Variants in ACKR4 observed in about 807,000 individuals in gnomAD.
ACKR4 encodes the protein atypical chemokine receptor 4, also known as C-C CKR-11.
In ACKR4, 2 loss-of-function variants were observed where a neutral mutation model predicts 8.5. The ratio of observed to expected loss-of-function variants is 0.23; its 90% CI spans 0.10 to 0.74. ACKR4 has a LOEUF of 0.74. ACKR4 is among the 30% of genes least tolerant of loss of function. The probability of loss-of-function intolerance (pLI) is 0.75; values close to 1 mark genes in which losing one functional copy is unlikely to be tolerated. For synonymous variants in ACKR4, 67 were observed against 145.0 expected, an observed-to-expected ratio of 0.46 and a Z score of 3.86; for missense variants, 167 against 422.1, an observed-to-expected ratio of 0.40 and a Z score of 5.30.
Position 132,602,425 on chromosome 3 carries a change from A to G in ACKR4, c.*975A>G, listed in dbSNP as rs1938650021. On this transcript the variant is annotated 3_prime_UTR_variant, in exon 2 of 2. Coordinates refer to ENST00000249887, the MANE Select transcript of ACKR4 (RefSeq NM_016557.4). ...ATTCATCTGTTTATACAAGTCTACC[A>G]CTGCCGATTGACTAAAAAATACATT... Among the ~76,000 whole-genome samples, 1 of 152,148 alleles carries G rather than the reference A, an allele frequency of 6.6e-6. No individual in the cohort carries two copies. The highest frequency in any genetic ancestry group is 2.4e-5 in the African/African-American group (1 of 41,438).
chr3:132,598,615 T>C (rs1938418906), intron 1 of ACKR4, among the ~76,000 whole-genome samples: 1 of 151,996 alleles, frequency 6.6e-6, no homozygotes, highest in Non-Finnish European at 1.5e-5. Context: ...TCTGGGGAGG[T>C]CGCATCCGCG....
chr3:132,600,604 C>T lies in ACKR4; in HGVS notation c.207C>T (p.Tyr69=). 6.2e-7 allele frequency: 1 copy of T among 1,613,762 alleles called. No individual in the cohort carries two copies. Among genetic ancestry groups the T allele is most frequent in the Non-Finnish European group, 8.5e-7 (1 of 1,179,774 alleles). ...NSMVVAIYAY[Y]KKQRTKTDVY... is the part of the protein sequence containing the mutation. ...TGGTAGTGGCAATTTATGCCTATTACAAGAAACAGAGAACCAAAACAGATG... is the reference window on the plus strand; with the variant it reads ...TGGTAGTGGCAATTTATGCCTATTATAAGAAACAGAGAACCAAAACAGATG... Residue 69 remains tyrosine, a synonymous_variant, in exon 2 of 2, where the codon TAC becomes TAT. Transcript: ENST00000249887.
At chr3:132,599,779 G>C (rs57009048) in intron 1 of ACKR4, among the ~76,000 whole-genome samples, 7,681 of 152,124 alleles carry the variant, frequency 0.05, 663 homozygotes, top group African/African-American at 0.17. Context: ...TAAGCAAGTA[G>C]TGACCAGTTT....
In ACKR4 at chr3:132,600,566, G is replaced by A. The variant is rs1938529409; in HGVS notation, c.169G>A (p.Ala57Thr). The A allele has an allele frequency of 1.2e-6, 2 of 1,613,938 alleles. No individual in the cohort carries two copies. The highest frequency in any genetic ancestry group is 4.5e-5 in the East Asian group (2 of 44,868). Residue 57 changes from alanine to threonine, a missense_variant, in exon 2 of 2, where the codon GCA (alanine) becomes ACA (threonine). This residue lies in a region of ACKR4 where 149 missense variants were observed against 281.9 expected (regional missense o/e 0.53). Coordinates refer to ENST00000249887, the MANE Select transcript of ACKR4 (RefSeq NM_016557.4). ...FLTIVFVIGL[A>T]GNSMVVAIYA... is the part of the protein sequence containing the mutation. ...CACAATAGTTTTCGTCATTGGACTT[G>A]CAGGCAATTCCATGGTAGTGGCAAT...
Position 132,601,902 on chromosome 3 carries a change from C to T in ACKR4, c.*452C>T, listed in dbSNP as rs1243283210. On this transcript the variant is annotated 3_prime_UTR_variant, in exon 2 of 2. Coordinates refer to ENST00000249887, the MANE Select transcript of ACKR4 (RefSeq NM_016557.4). ...TGGGTGAAGGGTACCCAGGACCACT[C>T]TGTACCATCTTTGTAACTTCCTGTG... The T allele has an allele frequency of 5.2e-6, 1 of 191,974 alleles. No individual in the cohort carries two copies. Among genetic ancestry groups the T allele is most frequent in the Non-Finnish European group, 1.2e-5 (1 of 82,892 alleles). 11.9% of individuals were successfully genotyped at this position (191,974 alleles called of 1,614,324 possible).
rs754527548 is a variant in ACKR4 at position 132,600,558 on chromosome 3, T to C, written c.161T>C (p.Ile54Thr). 43 of 1,613,872 alleles carry C rather than the reference T, an allele frequency of 2.7e-5. No individual in the cohort carries two copies. The highest frequency in any genetic ancestry group is 2.0e-4 in the Admixed American group (12 of 60,006). ...LPVFLTIVFV[I>T]GLAGNSMVVA... ...GTATTCCTCACAATAGTTTTCGTCA[T>C]TGGACTTGCAGGCAATTCCATGGTA... Residue 54 changes from isoleucine (I) to threonine (T), a missense_variant, in exon 2 of 2, where the codon ATT (isoleucine) becomes ACT (threonine). Around this residue, in one of 2 missense-constraint regions of ACKR4, gnomAD observed 149 missense variants for 281.9 expected, o/e 0.53. Coordinates refer to ENST00000249887, the MANE Select transcript of ACKR4 (RefSeq NM_016557.4).
chr3:132,600,347 T>A, intron 1 of ACKR4, 42 bp from the exon 2 acceptor site: 1 of 1,463,108 alleles, frequency 6.8e-7, no homozygotes, highest in Non-Finnish European at 9.1e-7. Flanking sequence ...CTTTTAAGCA[T>A]ATTTAGACAA....
At position 132,600,587 on chromosome 3, in the gene ACKR4, G is replaced by A. The variant is rs2107820300; in HGVS notation, c.190G>A (p.Ala64Thr). 2 of 1,613,882 alleles carry A rather than the reference G, an allele frequency of 1.2e-6. No homozygotes were observed. Among genetic ancestry groups the A allele is most frequent in the South Asian group, 2.2e-5 (2 of 91,066 alleles). ...IGLAGNSMVV[A>T]IYAYYKKQRT... ...ACTTGCAGGCAATTCCATGGTAGTGGCAATTTATGCCTATTACAAGAAACA... is the reference window on the plus strand; with the variant it reads ...ACTTGCAGGCAATTCCATGGTAGTGACAATTTATGCCTATTACAAGAAACA... The change falls in exon 2 of 2, where the codon GCA becomes ACA. Residue 64 changes from alanine (A) to threonine (T), a missense_variant. Ala to Thr is a moderately conservative substitution (Grantham distance 58, BLOSUM62 0). This residue lies in a region of ACKR4 where 149 missense variants were observed against 281.9 expected (regional missense o/e 0.53). Coordinates refer to ENST00000249887, the MANE Select transcript of ACKR4 (RefSeq NM_016557.4).
At chr3:132,600,031 CTTTT>C (rs1938498931) in intron 1 of ACKR4, among the ~76,000 whole-genome samples, 1 of 151,984 alleles carries the variant, frequency 6.6e-6, no homozygotes, top group African/African-American at 2.4e-5. Context: ...ACTATTTATT[CTTTT>C]TAGTTAAAAT....
intron 1 of ACKR4, among the ~76,000 whole-genome samples, chr3:132,599,376 G>A (rs371647742): frequency 6.6e-6 from 1 of 151,828 alleles, no homozygotes; most frequent in African/African-American, 2.4e-5. Flanking sequence ...GCATGGTGGT[G>A]TGTACCTGTA....
chr3:132,598,967 C>T (rs556793444), intron 1 of ACKR4, among the ~76,000 whole-genome samples: 1 of 152,214 alleles, frequency 6.6e-6, no homozygotes, highest in Non-Finnish European at 1.5e-5. Context: ...GTAAGAAAAA[C>T]GTTTTTGAAA....
intron 1 of ACKR4, among the ~76,000 whole-genome samples, chr3:132,598,625 G>A (rs1160840792): frequency 2.0e-5 from 3 of 152,166 alleles, no homozygotes; most frequent in Admixed American, 6.5e-5. Context: ...TCGCATCCGC[G>A]TTTATTGAGT....
At chr3:132,597,904 G>A (rs1230035184) in intron 1 of ACKR4, among the ~76,000 whole-genome samples, 2 of 152,124 alleles carry the variant, frequency 1.3e-5, no homozygotes, top group Non-Finnish European at 2.9e-5. Context: ...TAGTCTTCCA[G>A]ATTGGAACTT....
rs769995139 is a variant in ACKR4 at position 132,600,486 on chromosome 3, T to C, written c.89T>C (p.Ile30Thr). ...GTYDYSQYEL[I>T]CIKEDVREFA... ...TATGACTACAGTCAATATGAACTGATCTGTATCAAAGAAGATGTCAGAGAA... is the reference window on the plus strand; with the variant it reads ...TATGACTACAGTCAATATGAACTGACCTGTATCAAAGAAGATGTCAGAGAA... The change falls in exon 2 of 2, where the codon ATC (isoleucine) becomes ACC (threonine). Residue 30 changes from isoleucine to threonine, a missense_variant. Transcript: ENST00000249887. 2 of 1,613,852 alleles carry C rather than the reference T, an allele frequency of 1.2e-6. No individual in the cohort carries two copies. Among genetic ancestry groups the C allele is most frequent in the Non-Finnish European group, 1.7e-6 (2 of 1,179,838 alleles).
At position 132,602,137 on chromosome 3, in the gene ACKR4, G is replaced by T. The variant is rs548455649; in HGVS notation, c.*687G>T. 29 of 164,200 alleles carry T rather than the reference G, an allele frequency of 1.8e-4. No homozygotes were observed. The highest frequency in any genetic ancestry group is 6.6e-4 in the African/African-American group (27 of 40,622). 10.2% of individuals were successfully genotyped at this position (164,200 alleles called of 1,614,324 possible). A position where few individuals can be genotyped will look rare whatever the true frequency, so the allele number is the denominator to read the frequency against. ...CAGAACTCCAACTATCTTTTTTCCT[G>T]TTTTTTTTAAATTTGTAAGTAATTT... On this transcript the variant is annotated 3_prime_UTR_variant, in exon 2 of 2. Transcript: ENST00000249887.
At chr3:132,597,683 A>T (rs1183430007) in intron 1 of ACKR4, among the ~76,000 whole-genome samples, 1 of 151,948 alleles carries the variant, frequency 6.6e-6, no homozygotes, top group East Asian at 1.9e-4. Context: ...TGCCGGAAGG[A>T]TCATTTCTGC....
At position 132,600,383 on chromosome 3, in the gene ACKR4, A is replaced by T. The variant is rs1219959553; in HGVS notation, c.-9-6A>T. 4 of 1,566,410 alleles carry T rather than the reference A, an allele frequency of 2.6e-6. No individual in the cohort carries two copies. The highest frequency in any genetic ancestry group is 1.7e-6 in the Non-Finnish European group (2 of 1,158,018). ...ATATCTATCCTGTATTCTCTTTGCC[A>T]TCTAGATTGGAGCCATGGCTTTGGA... On this transcript the variant is annotated splice_polypyrimidine_tract_variant and splice_region_variant and intron_variant, in intron 1 of 1. Transcript: ENST00000249887.
intron 1 of ACKR4, among the ~76,000 whole-genome samples, chr3:132,598,873 A>G (rs778983642): frequency 6.6e-6 from 1 of 152,232 alleles, no homozygotes; most frequent in Non-Finnish European, 1.5e-5. Flanking sequence ...TGTGGCTTTC[A>G]GGTGAAGAGA....
intron 1 of ACKR4, among the ~76,000 whole-genome samples, chr3:132,597,659 C>T (rs1048464520): frequency 6.6e-6 from 1 of 151,532 alleles, no homozygotes; most frequent in African/African-American, 2.4e-5. Context: ...CACTTAAAAG[C>T]GTGTCTATAT....
Sources: gnomAD v4.1 joint callset for allele counts (sites outside exome capture counted in the v4.1 genomes callset) on GRCh38, gnomAD v4.1.1 for gene constraint, gnomAD v4.1.1 regional missense constraint, MANE v1.5 for transcripts, NCBI Gene and HGNC (gene_info 2026-07-23, HGNC 2026-07-21) for gene names.